The following SCGB3A1 variants were observed in gnomAD, a reference collection of about 807,000 sequenced individuals.
SCGB3A1 encodes cytokine HIN-1.
Under a neutral mutation model 7.6 loss-of-function variants are expected in SCGB3A1, and 7 were observed. That is an observed-to-expected ratio of 0.93 (90% CI 0.53 to 1.74). The LOEUF (loss-of-function observed/expected upper bound fraction) is 1.74. Among genes scored for constraint, SCGB3A1 ranks in the 40% most tolerant of loss-of-function variants. SCGB3A1 has a pLI of 0.00. For missense variants in SCGB3A1, 119 were observed against 129.0 expected (o/e 0.92, Z 0.38); for synonymous variants, 67 against 66.6 (o/e 1.01, Z -0.03).
chr5:180,591,093 T>G, intron 1 of SCGB3A1: 1 of 493,868 alleles, frequency 2.0e-6, no homozygotes, highest in Non-Finnish European at 3.5e-6. Flanking sequence ...GTGAACTCTG[T>G]GCAGGGTCCG....
intron 1 of SCGB3A1, chr5:180,591,087 A>G: frequency 2.0e-6 from 1 of 499,656 alleles, no homozygotes; most frequent in East Asian, 3.5e-5. Flanking sequence ...GGACCGGTGA[A>G]CTCTGTGCAG....
intron 1 of SCGB3A1, 68 bp downstream of exon 1, chr5:180,591,343 C>A (rs1038505613): frequency 1.2e-4 from 132 of 1,140,970 alleles, no homozygotes; most frequent in Non-Finnish European, 1.4e-4. Context: ...GCGCAGGCAG[C>A]GGCGGGGGCG....
intron 1 of SCGB3A1, 147 bp downstream of exon 1, chr5:180,591,264 G>A (rs1009493698): frequency 6.8e-6 from 4 of 589,126 alleles, no homozygotes; most frequent in Non-Finnish European, 9.8e-6. Context: ...GGCTGCAGGC[G>A]CGGGGCCCCG....
At chr5:180,590,552 C>A (rs768862456) in intron 2 of SCGB3A1, 48 bp downstream of exon 2, 26 of 1,472,056 alleles carry the variant, frequency 1.8e-5, no homozygotes, top group Non-Finnish European at 4.7e-6. Context: ...TGAGGCTGGC[C>A]GGGAAGGGAT....
chr5:180,590,499 G>C, intron 2 of SCGB3A1, 101 bp downstream of exon 2: 1 of 1,044,736 alleles, frequency 9.6e-7, no homozygotes, highest in South Asian at 1.6e-5. Context: ...GGCAGGACGG[G>C]AAACAGCCCT....
rs747353871 is a variant in SCGB3A1 at position 180,590,744 on chromosome 5, G to A, written c.147C>T (p.Asn49=). 1.3e-6 allele frequency: 2 copies of A among 1,582,924 alleles called. No individual in the cohort carries two copies. The highest frequency in any genetic ancestry group is 1.7e-6 in the Non-Finnish European group (2 of 1,165,110). Residue 49 remains asparagine, a synonymous_variant, in exon 2 of 3, where the codon AAC becomes AAT. Coordinates refer to ENST00000292641, the MANE Select transcript of SCGB3A1 (RefSeq NM_052863.3). ...TCAGCGGGTTGAGGGTGCCGAGGGG[G>A]TTGGCCAGGGTCCCGGCCCCGGCCT... ...AAEAGAGTLA[N]PLGTLNPLKL... is the part of the protein sequence containing the mutation.
rs576021464 is a variant in SCGB3A1 at position 180,590,740 on chromosome 5, G to A, written c.151C>T (p.Leu51Phe). Residue 51 changes from leucine (L) to phenylalanine (F), a missense_variant, in exon 2 of 3, where the codon CTC becomes TTC. Coordinates refer to ENST00000292641, the MANE Select transcript of SCGB3A1 (RefSeq NM_052863.3). ...AGCTTCAGCGGGTTGAGGGTGCCGAGGGGGTTGGCCAGGGTCCCGGCCCCG... is the reference window on the plus strand; with the variant it reads ...AGCTTCAGCGGGTTGAGGGTGCCGAAGGGGTTGGCCAGGGTCCCGGCCCCG... ...EAGAGTLANPLGTLNPLKLLL... is the reference protein window; with the variant it reads ...EAGAGTLANPFGTLNPLKLLL... 4 of 1,583,384 alleles carry A rather than the reference G, an allele frequency of 2.5e-6. No individual in the cohort carries two copies. The highest frequency in any genetic ancestry group is 3.4e-6 in the Non-Finnish European group (4 of 1,165,236).
chr5:180,590,952 C>G (rs1581588880), intron 1 of SCGB3A1, 114 bp from the exon 2 acceptor site: 1 of 735,774 alleles, frequency 1.4e-6, no homozygotes, highest in Non-Finnish European at 2.1e-6. Flanking sequence ...CCCGGCTCCC[C>G]GACCGCCCCT....
intron 1 of SCGB3A1, chr5:180,591,181 G>A: frequency 2.4e-6 from 1 of 408,342 alleles, no homozygotes; most frequent in Non-Finnish European, 4.3e-6. Flanking sequence ...GGGGGCAGAC[G>A]GGTGTCCCCA....
chr5:180,591,374 G>A, intron 1 of SCGB3A1, 37 bp downstream of exon 1: 2 of 1,217,960 alleles, frequency 1.6e-6, no homozygotes, highest in East Asian at 6.5e-5. Context: ...CGAGGCCTCA[G>A]GCCCCACCGT....
Position 180,590,586 on chromosome 5 carries a change from G to A in SCGB3A1, c.291+14C>T. ...ATGCCCGCGCAGGAAGGGCACCCGGGGTGCCCACTTTACCAGCAGGGCCTT... is the reference window on the plus strand; with the variant it reads ...ATGCCCGCGCAGGAAGGGCACCCGGAGTGCCCACTTTACCAGCAGGGCCTT... On this transcript the variant is annotated intron_variant, in intron 2 of 2. Coordinates refer to ENST00000292641, the MANE Select transcript of SCGB3A1 (RefSeq NM_052863.3). The A allele has an allele frequency of 6.3e-7, 1 of 1,593,226 alleles. No individual in the cohort carries two copies. The highest frequency in any genetic ancestry group is 8.6e-7 in the Non-Finnish European group (1 of 1,167,606).
chr5:180,590,112 A>C lies in SCGB3A1; in HGVS notation c.*119T>G. 1 of 1,178,420 alleles carries C rather than the reference A, an allele frequency of 8.5e-7. No homozygotes were observed. The highest frequency in any genetic ancestry group is 1.3e-5 in the South Asian group (1 of 76,364). 73.0% of individuals were successfully genotyped at this position (1,178,420 alleles called of 1,614,324 possible). A position where few individuals can be genotyped will look rare whatever the true frequency, so the allele number is the denominator to read the frequency against. ...AAAATACCAGGCTCGAGCTGCTCTT[A>C]ACCACGTTTATTGAGAGGGGCCGGG... On this transcript the variant is annotated 3_prime_UTR_variant, in exon 3 of 3. Transcript: ENST00000292641.
At position 180,590,406 on chromosome 5, in the gene SCGB3A1, C is replaced by T. The variant is rs984099202; in HGVS notation, c.292-152G>A. 3 of 1,110,994 alleles carry T rather than the reference C, an allele frequency of 2.7e-6. No homozygotes were observed. The Admixed American group carries it at 7.6e-5, about 28-fold the overall frequency. 68.8% of individuals were successfully genotyped at this position (1,110,994 alleles called of 1,614,324 possible). A position where few individuals can be genotyped will look rare whatever the true frequency, so the allele number is the denominator to read the frequency against. ...CGCACCCGCGCGGGGCCATCTCCGC[C>T]TTCCCCGCCCCTGCAGCTCGGATGC... On this transcript the variant is annotated intron_variant, in intron 2 of 2. Coordinates refer to ENST00000292641, the MANE Select transcript of SCGB3A1 (RefSeq NM_052863.3).
At position 180,590,815 on chromosome 5, in the gene SCGB3A1, C is replaced by T. The variant is rs753351103; in HGVS notation, c.76G>A (p.Ala26Thr). 43 of 1,601,608 alleles carry T rather than the reference C, an allele frequency of 2.7e-5. No individual in the cohort carries two copies. The East Asian group carries it at 7.9e-4, about 30-fold the overall frequency. Residue 26 changes from alanine (A) to threonine (T), a missense_variant, in exon 2 of 3, where the codon GCC (alanine) becomes ACC (threonine). Transcript: ENST00000292641. The stretch of plus-strand genomic sequence containing the variant: ...GCGACAGGCTGGGCCACAGGCTTGG[C>T]CGAGCCCACTAAGAAAGCAGCAGCT... ...SSAAAFLVGS[A>T]KPVAQPVAAL...
rs1001302085 is a variant in SCGB3A1 at position 180,590,733 on chromosome 5, G to C, written c.158C>G (p.Thr53Ser). 1 of 1,582,342 alleles carries C rather than the reference G, an allele frequency of 6.3e-7. No individual in the cohort carries two copies. Among genetic ancestry groups the C allele is most frequent in the Admixed American group, 1.8e-5 (1 of 55,332 alleles). The change falls in exon 2 of 3, where the codon ACC (threonine) becomes AGC (serine). Residue 53 changes from threonine (T) to serine (S), a missense_variant. Physicochemically the swap from Thr to Ser is moderately conservative, Grantham distance 58. Transcript: ENST00000292641. ...CAGCAGGAGCTTCAGCGGGTTGAGG[G>C]TGCCGAGGGGGTTGGCCAGGGTCCC... ...GAGTLANPLG[T>S]LNPLKLLLSS...
intron 1 of SCGB3A1, 119 bp downstream of exon 1, chr5:180,591,292 G>A: frequency 1.2e-6 from 1 of 866,104 alleles, no homozygotes. Context: ...GGAGCCCTCT[G>A]GGCGCCGGGC....
rs914391885 is a variant in SCGB3A1 at position 180,591,454 on chromosome 5, G to A, written c.9C>T (p.Leu3=). Residue 3 remains leucine, a synonymous_variant, in exon 1 of 3, where the codon CTC becomes CTT. Transcript: ENST00000292641. MK[L]AALLGLCVAL... ...CCACGCAGAGCCCCAGGAGGGCGGC[G>A]AGCTTCATGGCGCGGGGGCTCGGGG... The A allele has an allele frequency of 1.3e-5, 16 of 1,228,550 alleles. No homozygotes were observed. The Admixed American group carries it at 1.7e-4, about 13-fold the overall frequency. 76.1% of individuals were successfully genotyped at this position (1,228,550 alleles called of 1,614,324 possible).
Position 180,590,145 on chromosome 5 carries a change from G to T in SCGB3A1, c.*86C>A. 1 of 1,428,690 alleles carries T rather than the reference G, an allele frequency of 7.0e-7. No individual in the cohort carries two copies. Among genetic ancestry groups the T allele is most frequent in the Non-Finnish European group, 9.7e-7 (1 of 1,033,546 alleles). 88.5% of individuals were successfully genotyped at this position (1,428,690 alleles called of 1,614,324 possible). A position where few individuals can be genotyped will look rare whatever the true frequency, so the allele number is the denominator to read the frequency against. ...TTATTGAGAGGGGCCGGGGGAAGGGGATGGACGGTCCTCCCCGCGGCGGGG... is the reference window on the plus strand; with the variant it reads ...TTATTGAGAGGGGCCGGGGGAAGGGTATGGACGGTCCTCCCCGCGGCGGGG... On this transcript the variant is annotated 3_prime_UTR_variant, in exon 3 of 3. Transcript: ENST00000292641.
At position 180,590,250 on chromosome 5, in the gene SCGB3A1, G is replaced by A. The variant is rs747838450; in HGVS notation, c.296C>T (p.Ala99Val). 8 of 1,583,072 alleles carry A rather than the reference G, an allele frequency of 5.1e-6. No homozygotes were observed. The East Asian group carries it at 1.4e-4, about 27-fold the overall frequency. ...AVKALKALLG[A>V]LTVFG ...CTCGGCTCAGCCAAACACTGTCAGG[G>A]CCCCCTGGAAAGCAGAAGCCGAGCT... The change falls in exon 3 of 3, where the codon GCC becomes GTC. Residue 99 changes from alanine (A) to valine (V), a missense_variant. By Grantham distance (64) the Ala-to-Val change is moderately conservative (BLOSUM62 0). Transcript: ENST00000292641.
Sources: allele counts gnomAD v4.1 joint callset, GRCh38; gene constraint gnomAD v4.1.1; transcripts MANE v1.5; gene names NCBI Gene and HGNC (gene_info 2026-07-23, HGNC 2026-07-21).